Variants in CPNE4 observed in about 807,000 individuals in gnomAD.
The protein encoded by CPNE4 is copine-4.
A neutral mutation model predicts 67.9 loss-of-function variants in CPNE4; 25 were observed. The ratio of observed to expected loss-of-function variants is 0.37; its 90% confidence interval spans 0.27 to 0.51. The LOEUF (loss-of-function observed/expected upper bound fraction) is 0.51. Ranked by LOEUF, CPNE4 falls within the 20% of genes least tolerant of loss-of-function variation. CPNE4 has a pLI of 0.93. For missense variants in CPNE4, 464 were observed against 690.8 expected (o/e 0.67, Z 3.68); for synonymous variants, 242 against 244.9 (o/e 0.99, Z 0.11).
chr3:131,721,683 C>G (rs1248757059), intron 3 of CPNE4, among the ~76,000 whole-genome samples: 4 of 152,098 alleles, frequency 2.6e-5, no homozygotes, highest in African/African-American at 9.7e-5. Context: ...GTGTGAGCCA[C>G]CGCGCCTGGC....
At chr3:132,019,149 CA>C (rs143846197) in intron 1 of CPNE4, among the ~76,000 whole-genome samples, 34,766 of 147,208 alleles carry the variant, frequency 0.24, 5,160 homozygotes, top group South Asian at 0.38. Context: ...GTGAAGCAAA[CA>C]AAAAAAAAAT....
At chr3:131,684,999 G>A (rs2080854664) in intron 6 of CPNE4, among the ~76,000 whole-genome samples, 1 of 152,164 alleles carries the variant, frequency 6.6e-6, no homozygotes, top group Non-Finnish European at 1.5e-5. Flanking sequence ...CATATGATAG[G>A]ACTGACATCA....
intron 1 of CPNE4, among the ~76,000 whole-genome samples, chr3:131,979,794 T>C (rs1243162231): frequency 9.8e-6 from 1 of 102,300 alleles, no homozygotes; most frequent in Non-Finnish European, 2.4e-5. Context: ...ATAGGTCCTG[T>C]GTGATTTATG....
At chr3:131,799,135 C>T (rs577649547) in intron 2 of CPNE4, among the ~76,000 whole-genome samples, 35 of 151,960 alleles carry the variant, frequency 2.3e-4, no homozygotes, top group South Asian at 6.2e-4. Flanking sequence ...AACAATACCA[C>T]GGATATGTTT....
intron 1 of CPNE4, among the ~76,000 whole-genome samples, chr3:131,988,014 A>G (rs2073096216): frequency 6.6e-6 from 1 of 152,180 alleles, no homozygotes; most frequent in Non-Finnish European, 1.5e-5. Flanking sequence ...AGTGTGATAC[A>G]TTTATTCATT....
chr3:131,872,216 A>T (rs2087246288), intron 2 of CPNE4, among the ~76,000 whole-genome samples: 1 of 151,996 alleles, frequency 6.6e-6, no homozygotes, highest in Non-Finnish European at 1.5e-5. Context: ...AGAGAAACAG[A>T]GAGAAAGAAG....
intron 1 of CPNE4, among the ~76,000 whole-genome samples, chr3:131,946,660 T>C (rs993137731): frequency 6.6e-6 from 1 of 152,218 alleles, no homozygotes; most frequent in African/African-American, 2.4e-5. Flanking sequence ...TTATCTAAAA[T>C]ATGACTTTCA....
In CPNE4 at chr3:131,668,332, T is replaced by C. The variant is rs540468622; in HGVS notation, c.681+1343A>G. Among the ~76,000 whole-genome samples, 134 of 152,320 alleles carry C rather than the reference T, an allele frequency of 8.8e-4. 1 individual carries two copies. Among genetic ancestry groups the C allele is most frequent in the Non-Finnish European group, 1.5e-4 (10 of 68,040 alleles). On this transcript the variant is annotated intron_variant, in intron 7 of 15. Transcript: ENST00000429747. ...TGGGGCAAAAGTAGTGAGGAAAATG[T>C]AAAACTACTAAGGCAAACATCATCA...
intron 7 of CPNE4, among the ~76,000 whole-genome samples, chr3:131,588,678 T>C (rs146792105): frequency 1.5e-3 from 233 of 152,306 alleles, no homozygotes; most frequent in African/African-American, 5.3e-3. Flanking sequence ...AATTTATTCC[T>C]ACTCATTTAT....
chr3:131,537,569 C>A, intron 15 of CPNE4: 1 of 257,210 alleles, frequency 3.9e-6, no homozygotes. Context: ...AGGCGTGAGC[C>A]ACCGCACCCA....
At chr3:131,586,603 G>A (rs1304130580) in intron 8 of CPNE4, among the ~76,000 whole-genome samples, 3 of 152,156 alleles carry the variant, frequency 2.0e-5, no homozygotes, top group Non-Finnish European at 4.4e-5. Context: ...GGATAAAACA[G>A]GCTCCAGCAG....
chr3:131,595,996 G>A (rs1442171961), intron 7 of CPNE4, among the ~76,000 whole-genome samples: 4 of 152,168 alleles, frequency 2.6e-5, no homozygotes, highest in Admixed American at 1.3e-4. Context: ...TGGCGAACTG[G>A]GGAGTTGTTT....
At chr3:131,983,028 A>G (rs958478472) in intron 1 of CPNE4, among the ~76,000 whole-genome samples, 1 of 152,102 alleles carries the variant, frequency 6.6e-6, no homozygotes, top group Non-Finnish European at 1.5e-5. Flanking sequence ...TTTATTTTCC[A>G]AATTATGTTA....
In CPNE4 at chr3:131,980,898, T is replaced by C. The variant is rs368150972; in HGVS notation, c.-2+53669A>G. 8.5e-5 allele frequency among the ~76,000 whole-genome samples: 13 copies of C among 152,318 alleles called. 1 individual carries two copies. The highest frequency in any genetic ancestry group is 3.1e-4 in the African/African-American group (13 of 41,556). ...CCCACATGATGTTCCCTTGTTGTAGTACTCTCCCCCTTTTCCTATGGATGC... is the reference window on the plus strand; with the variant it reads ...CCCACATGATGTTCCCTTGTTGTAGCACTCTCCCCCTTTTCCTATGGATGC... On this transcript the variant is annotated intron_variant, in intron 1 of 15. Coordinates refer to ENST00000429747, the MANE Select transcript of CPNE4 (RefSeq NM_130808.3).
chr3:131,608,434 G>C (rs777090497), intron 7 of CPNE4, among the ~76,000 whole-genome samples: 52 of 152,132 alleles, frequency 3.4e-4, no homozygotes, highest in Admixed American at 5.9e-4. Flanking sequence ...TGTGAAGGAT[G>C]AATGCAATGA....
At chr3:131,659,242 A>T (rs1004136846) in intron 7 of CPNE4, among the ~76,000 whole-genome samples, 1 of 152,222 alleles carries the variant, frequency 6.6e-6, no homozygotes, top group Admixed American at 6.5e-5. Flanking sequence ...TTGAATAATG[A>T]CACAAAATTG....
At chr3:131,663,676 G>A (rs1227832456) in intron 7 of CPNE4, among the ~76,000 whole-genome samples, 5 of 152,076 alleles carry the variant, frequency 3.3e-5, no homozygotes, top group Admixed American at 3.3e-4. Flanking sequence ...AGCTTTGGGG[G>A]TGTCAGAAGG....
intron 2 of CPNE4, among the ~76,000 whole-genome samples, chr3:131,728,685 C>T (rs578223737): frequency 4.6e-5 from 7 of 151,504 alleles, no homozygotes; most frequent in Non-Finnish European, 7.4e-5. Context: ...CCGAGGCGGG[C>T]GGATCACGAG....
Position 131,792,684 on chromosome 3 carries a change from C to T in CPNE4, c.181-69059G>A, listed in dbSNP as rs932379464. On this transcript the variant is annotated intron_variant, in intron 2 of 15. Transcript: ENST00000429747. ...ACGTGTATATATACATATATACACACGTGTATATATACATATACACACACG... is the reference window on the plus strand; with the variant it reads ...ACGTGTATATATACATATATACACATGTGTATATATACATATACACACACG... Among the ~76,000 whole-genome samples the T allele has an allele frequency of 2.3e-3, 107 of 45,952 alleles. 3 individuals carry two copies. The highest frequency in any genetic ancestry group is 9.7e-3 in the African/African-American group (96 of 9,892). 30.1% of individuals were successfully genotyped at this position (45,952 alleles called of 152,430 possible).
Sources: allele counts gnomAD v4.1 joint callset (sites outside exome capture counted in the v4.1 genomes callset), GRCh38; gene constraint gnomAD v4.1.1; transcripts MANE v1.5; gene names NCBI Gene and HGNC (gene_info 2026-07-23, HGNC 2026-07-21).